Variants in DCAF8L2 observed in about 807,000 individuals in gnomAD.
DCAF8L2 encodes the protein DDB1- and CUL4-associated factor 8-like protein 2.
For missense variants in DCAF8L2, 430 were observed against 490.7 expected (o/e 0.88, Z 1.17); for synonymous variants, 200 against 190.9 (o/e 1.05, Z -0.39).
chrX:27,540,923 T>C, the DCAF8L2 span, among the ~76,000 whole-genome samples: 1 of 111,898 alleles, frequency 8.9e-6, no homozygotes, highest in South Asian at 3.7e-4. Flanking sequence ...ACAGATTGAA[T>C]GTAAGACAAT....
At position 27,697,401 on chromosome X, in the gene DCAF8L2, G is replaced by C. The variant is rs1261323953; in HGVS notation, c.-142-18687G>C. ...ATAGCTTTGGGGATTGGGGAAATGA[G>C]AATGATGTCCAATAATGTGTGATAA... is the stretch of plus-strand genomic sequence containing the variant. On this transcript the variant is annotated intron_variant, in intron 3 of 4. Coordinates refer to ENST00000451261, the MANE Select transcript of DCAF8L2 (RefSeq NM_001353450.2). Among the ~76,000 whole-genome samples, 18 of 111,340 alleles carry C rather than the reference G, an allele frequency of 1.6e-4. No individual in the cohort carries two copies. The Admixed American group carries it at 1.7e-3, about 11-fold the overall frequency.
the DCAF8L2 span, among the ~76,000 whole-genome samples, chrX:27,551,403 A>C: frequency 9.0e-6 from 1 of 111,247 alleles, no homozygotes; most frequent in Admixed American, 9.6e-5. Context: ...AAAGCATTTT[A>C]ATTGAAGTAT....
intron 3 of DCAF8L2, among the ~76,000 whole-genome samples, chrX:27,694,528 T>C (rs766512670): frequency 5.1e-4 from 57 of 110,859 alleles, no homozygotes; most frequent in Admixed American, 1.6e-3. Flanking sequence ...AAGTATGCAG[T>C]TCAGTATTGA....
At chrX:27,697,939 C>T (rs1419259861) in intron 3 of DCAF8L2, among the ~76,000 whole-genome samples, 4 of 110,580 alleles carry the variant, frequency 3.6e-5, no homozygotes, top group Admixed American at 9.6e-5. Context: ...CATAAGTATA[C>T]GTGTATATAA....
the DCAF8L2 span, among the ~76,000 whole-genome samples, chrX:27,528,569 A>T: frequency 9.3e-6 from 1 of 107,392 alleles, no homozygotes; most frequent in Non-Finnish European, 1.9e-5. Flanking sequence ...AACTTTAATG[A>T]CAATGAAATT....
At chrX:27,520,899 C>G in the DCAF8L2 span, among the ~76,000 whole-genome samples, 2 of 111,839 alleles carry the variant, frequency 1.8e-5, no homozygotes, top group African/African-American at 6.5e-5. Flanking sequence ...AATATGAGAA[C>G]TTTCAGGCAG....
At chrX:27,514,847 A>T in the DCAF8L2 span, among the ~76,000 whole-genome samples, 2 of 110,788 alleles carry the variant, frequency 1.8e-5, no homozygotes, top group African/African-American at 6.6e-5. Context: ...GATTTTATAG[A>T]TTGAGAAAGT....
chrX:27,474,849 A>T, the DCAF8L2 span, among the ~76,000 whole-genome samples: 1 of 111,282 alleles, frequency 9.0e-6, no homozygotes, highest in African/African-American at 3.3e-5. Flanking sequence ...CACAAAAGAC[A>T]CGAGTGACTC....
intron 1 of DCAF8L2, among the ~76,000 whole-genome samples, chrX:27,605,712 A>G (rs1451183092): frequency 8.9e-6 from 1 of 111,791 alleles, no homozygotes; most frequent in African/African-American, 3.3e-5. Flanking sequence ...AGACTTACTG[A>G]ATAATCTTGT....
At chrX:27,575,279 G>A in the DCAF8L2 span, among the ~76,000 whole-genome samples, 1 of 111,278 alleles carries the variant, frequency 9.0e-6, no homozygotes, top group South Asian at 3.9e-4. Flanking sequence ...GTCTTCTTCC[G>A]CTGATGTGCT....
chrX:27,609,514 G>A (rs1474609862), intron 1 of DCAF8L2, among the ~76,000 whole-genome samples: 1 of 111,000 alleles, frequency 9.0e-6, no homozygotes, highest in Non-Finnish European at 1.9e-5. Context: ...AATAATTCCT[G>A]TGTGTCCAGG....
chrX:27,485,793 C>G, the DCAF8L2 span, among the ~76,000 whole-genome samples: 59 of 110,064 alleles, frequency 5.4e-4, no homozygotes, highest in Non-Finnish European at 2.1e-4. Flanking sequence ...TTTGAAGTCA[C>G]AAAGGGATAT....
upstream of DCAF8L2, among the ~76,000 whole-genome samples, chrX:27,587,423 C>T (rs1925923865): frequency 9.0e-6 from 1 of 111,210 alleles, no homozygotes; most frequent in South Asian, 3.7e-4. Flanking sequence ...TAGTAGGCCC[C>T]TGGGGTGGTT....
At chrX:27,577,137 TACAAATGTCAAGCTA>T in the DCAF8L2 span, among the ~76,000 whole-genome samples, 1 of 112,014 alleles carries the variant, frequency 8.9e-6, no homozygotes, top group Non-Finnish European at 1.9e-5. Flanking sequence ...CAACGAGAAA[TACAAATGTCAAGCTA>T]ACTGGAGAAT....
intron 1 of DCAF8L2, among the ~76,000 whole-genome samples, chrX:27,607,103 A>C (rs1208106905): frequency 8.9e-6 from 1 of 112,021 alleles, no homozygotes; most frequent in African/African-American, 3.2e-5. Flanking sequence ...TATAGTAAAA[A>C]CAAGATTAGG....
intron 2 of DCAF8L2, among the ~76,000 whole-genome samples, chrX:27,668,223 T>C (rs1929810754): frequency 8.9e-6 from 1 of 111,953 alleles, no homozygotes; most frequent in South Asian, 3.7e-4. Flanking sequence ...GACTTAATCC[T>C]ACATACATCC....
intron 1 of DCAF8L2, among the ~76,000 whole-genome samples, chrX:27,592,802 C>CTT (rs748583196): frequency 1.4e-3 from 131 of 91,303 alleles, no homozygotes; most frequent in Middle Eastern, 0.013. Context: ...CCATCTCAAC[C>CTT]TTTTTTTTTT....
chrX:27,708,166 C>G (rs1931403343), intron 3 of DCAF8L2, among the ~76,000 whole-genome samples: 1 of 111,343 alleles, frequency 9.0e-6, no homozygotes, highest in African/African-American at 3.3e-5. Flanking sequence ...TCCCTTCCCT[C>G]TCTAATAGTT....
intron 1 of DCAF8L2, among the ~76,000 whole-genome samples, chrX:27,622,279 G>T: frequency 1.0e-5 from 1 of 99,694 alleles, no homozygotes; most frequent in African/African-American, 4.6e-5. Context: ...AAAAAAATTA[G>T]CCGGGCGTAG....
Sources: allele counts gnomAD v4.1 joint callset (sites outside exome capture counted in the v4.1 genomes callset), GRCh38; gene constraint gnomAD v4.1.1; transcripts MANE v1.5; gene names NCBI Gene and HGNC (gene_info 2026-07-23, HGNC 2026-07-21).